Variants in DNAAF4 observed in about 807,000 individuals in gnomAD.
DNAAF4 encodes the protein dynein assembly factor 4, axonemal.
DNAAF4 carries 43 observed loss-of-function variants against 51.8 expected under a neutral mutation model. The ratio of observed to expected loss-of-function variants is 0.83; its 90% CI spans 0.65 to 1.07. The LOEUF (loss-of-function observed/expected upper bound fraction) is 1.07. DNAAF4 is among the 50% of genes least tolerant of loss of function. The probability of loss-of-function intolerance (pLI) is 0.00; values close to 1 mark genes in which losing one functional copy is unlikely to be tolerated. For synonymous variants in DNAAF4, 194 were observed against 165.6 expected, an observed-to-expected ratio of 1.17 and a Z score of -1.32; for missense variants, 581 against 493.0, an observed-to-expected ratio of 1.18 and a Z score of -1.69.
chr15:55,456,329 G>A (rs371606724), intron 5 of DNAAF4, among the ~76,000 whole-genome samples: 6 of 152,186 alleles, frequency 3.9e-5, no homozygotes, highest in Middle Eastern at 6.8e-3. Context: ...TGATCTGCCC[G>A]CCTCAGCCTC....
At chr15:55,418,339 C>G in intron 7 of DNAAF4, 1 of 1,540,798 alleles carries the variant, frequency 6.5e-7, no homozygotes, top group Non-Finnish European at 8.8e-7. Context: ...CAAAGACACT[C>G]CAGACAGCCA....
intron 4 of DNAAF4, among the ~76,000 whole-genome samples, chr15:55,475,923 A>G (rs541533935): frequency 6.6e-6 from 1 of 152,296 alleles, no homozygotes; most frequent in African/African-American, 2.4e-5. Context: ...TAATGGAAAG[A>G]TTATGTAAAT....
chr15:55,487,698 A>AACAC (rs902231698), intron 4 of DNAAF4, among the ~76,000 whole-genome samples: 5 of 152,064 alleles, frequency 3.3e-5, no homozygotes, highest in African/African-American at 9.7e-5. Context: ...TAAGAGCTGT[A>AACAC]ACACACCATG....
chr15:55,488,562 T>G (rs201389770), intron 4 of DNAAF4, among the ~76,000 whole-genome samples: 2 of 152,184 alleles, frequency 1.3e-5, no homozygotes, highest in East Asian at 3.8e-4. Context: ...ATTAATTTAT[T>G]CAAATGTTTG....
intron 7 of DNAAF4, among the ~76,000 whole-genome samples, chr15:55,421,856 T>G (rs1482109038): frequency 1.3e-5 from 2 of 150,194 alleles, no homozygotes; most frequent in Non-Finnish European, 3.0e-5. Flanking sequence ...ACCATTGCAC[T>G]CCAGCCTGGG....
chr15:55,473,692 G>C (rs1283845314), intron 4 of DNAAF4, among the ~76,000 whole-genome samples: 1 of 151,950 alleles, frequency 6.6e-6, no homozygotes, highest in African/African-American at 2.4e-5. Flanking sequence ...TATACTTCAT[G>C]ACGAAATATT....
intron 4 of DNAAF4, among the ~76,000 whole-genome samples, chr15:55,480,326 G>T (rs1436764854): frequency 6.6e-6 from 1 of 152,020 alleles, no homozygotes; most frequent in Admixed American, 6.6e-5. Flanking sequence ...AATACTGGGG[G>T]TGGGATCCCC....
At chr15:55,484,387 A>T (rs1253844894) in intron 4 of DNAAF4, among the ~76,000 whole-genome samples, 1 of 151,236 alleles carries the variant, frequency 6.6e-6, no homozygotes, top group African/African-American at 2.4e-5. Context: ...GGGGAGGCTG[A>T]GGCAGGAGAA....
At chr15:55,419,781 G>A (rs1323057819) in intron 7 of DNAAF4, among the ~76,000 whole-genome samples, 1 of 152,090 alleles carries the variant, frequency 6.6e-6, no homozygotes, top group African/African-American at 2.4e-5. Context: ...TGGATCACCT[G>A]AGGTCAGGAG....
Position 55,435,013 on chromosome 15 carries a change from A to T in DNAAF4, c.939T>A (p.Tyr313Ter). ...TATTATTTAGTCTTATGGCTAAATT[A>T]TATGCATTGATAGCTGCCAAATAGT... ...TENYLAAINA[Y>*]NLAIRLNNKM... Residue 313 changes from tyrosine (Y) to a stop codon, truncating the protein, a stop_gained, in exon 8 of 10, where the codon TAT becomes TAA. Coordinates refer to ENST00000321149, the MANE Select transcript of DNAAF4 (RefSeq NM_130810.4). LOFTEE classifies it high-confidence loss of function. 1.2e-6 allele frequency: 2 copies of T among 1,611,450 alleles called. No homozygotes were observed. The highest frequency in any genetic ancestry group is 1.7e-6 in the Non-Finnish European group (2 of 1,179,438).
chr15:55,430,765 C>T lies in DNAAF4; in HGVS notation c.1168G>A (p.Glu390Lys). 1.2e-6 allele frequency: 2 copies of T among 1,612,978 alleles called. No individual in the cohort carries two copies. The highest frequency in any genetic ancestry group is 1.7e-6 in the Non-Finnish European group (2 of 1,179,306). ...ELYVEGLQDY[E>K]AALKIDPSNK... The stretch of plus-strand genomic sequence containing the variant: ...GATGGATCAATCTTAAGTGCCGCTT[C>T]ATAATCCTGTAGGCCTGTGTTTATA... The change falls in exon 10 of 10, where the codon GAA (glutamate) becomes AAA (lysine). Residue 390 changes from glutamate to lysine, a missense_variant. By Grantham distance (56) the Glu-to-Lys change is moderately conservative. Transcript: ENST00000321149.
chr15:55,459,831 G>A (rs941300531), intron 5 of DNAAF4, among the ~76,000 whole-genome samples: 1 of 151,690 alleles, frequency 6.6e-6, no homozygotes. Context: ...AGCTTTCCAA[G>A]TAGCTGGGAC....
In DNAAF4 at chr15:55,448,803, G is replaced by A. The variant is rs1374576607; in HGVS notation, c.783+1419C>T. On this transcript the variant is annotated intron_variant, in intron 6 of 9. Transcript: ENST00000321149. ...GAGAATGGCATGAACCCAGGAGGTGGAGCTTGCAGTGAGCGGAGACTGCGC... is the reference window on the plus strand; with the variant it reads ...GAGAATGGCATGAACCCAGGAGGTGAAGCTTGCAGTGAGCGGAGACTGCGC... Among the ~76,000 whole-genome samples, 3 of 150,852 alleles carry A rather than the reference G, an allele frequency of 2.0e-5. No individual in the cohort carries two copies. The Admixed American group carries it at 2.0e-4, about 10-fold the overall frequency.
intron 5 of DNAAF4, among the ~76,000 whole-genome samples, chr15:55,460,322 G>A (rs1308928010): frequency 2.0e-5 from 3 of 151,746 alleles, no homozygotes; most frequent in Non-Finnish European, 2.9e-5. Flanking sequence ...TGGGATTACA[G>A]GTGCGTGCCA....
rs148211837 is a variant in DNAAF4, at chr15:55,494,640, G to C, written c.271+3072C>G. 5.0e-3 allele frequency among the ~76,000 whole-genome samples: 757 copies of C among 151,568 alleles called. 12 individuals are homozygous for C. Among genetic ancestry groups the C allele is most frequent in the African/African-American group, 0.018 (739 of 41,326 alleles). On this transcript the variant is annotated intron_variant, in intron 3 of 9. Coordinates refer to ENST00000321149, the MANE Select transcript of DNAAF4 (RefSeq NM_130810.4). Reference sequence around the variant, plus strand: ...TTGGCCAGGCTGGTCTCAAACTCCTGACCTCAGGTGATTCACCTGCCTCGG... The same window carrying C: ...TTGGCCAGGCTGGTCTCAAACTCCTCACCTCAGGTGATTCACCTGCCTCGG...
intron 5 of DNAAF4, among the ~76,000 whole-genome samples, chr15:55,463,578 T>C (rs2058126173): frequency 6.6e-6 from 1 of 152,092 alleles, no homozygotes; most frequent in Non-Finnish European, 1.5e-5. Context: ...GATATATGAA[T>C]TCAAGTAAAG....
At chr15:55,428,475 CTTTTTTTTCTTTTTTT>C (rs2057452647), downstream of DNAAF4, among the ~76,000 whole-genome samples, 2 of 92,326 alleles carry the variant, frequency 2.2e-5, no homozygotes, top group South Asian at 7.2e-4. Context: ...CTCTCACTGT[CTTTTTTTTCTTTTTTT>C]TTTTTTTTTT....
intron 7 of DNAAF4, 137 bp from the exon 8 acceptor site, chr15:55,435,195 A>C: frequency 1.2e-6 from 1 of 844,662 alleles, no homozygotes; most frequent in South Asian, 2.0e-5. Context: ...GCCTGCACTG[A>C]ATCCATCTCT....
chr15:55,437,216 T>C (rs1037583392), intron 7 of DNAAF4, among the ~76,000 whole-genome samples: 2 of 152,200 alleles, frequency 1.3e-5, no homozygotes, highest in Non-Finnish European at 2.9e-5. Flanking sequence ...TAAGTGCCTA[T>C]AGTCTGGCAA....
Sources: allele counts gnomAD v4.1 joint callset (sites outside exome capture counted in the v4.1 genomes callset), GRCh38; gene constraint gnomAD v4.1.1; transcripts MANE v1.5; gene names NCBI Gene and HGNC (gene_info 2026-07-23, HGNC 2026-07-21).